DNAH7: variants seen among roughly 807,000 people sequenced by gnomAD.
The protein encoded by DNAH7 is axonemal beta dynein heavy chain 7.
DNAH7 carries 397 observed loss-of-function variants against 444.6 expected under a neutral mutation model. That is an observed-to-expected ratio of 0.89 (90% CI 0.82 to 0.97). The LOEUF is 0.97. Ranked by LOEUF, DNAH7 falls within the 50% of genes least tolerant of loss-of-function variation. The pLI is 0.00. For synonymous variants in DNAH7, 1,636 were observed against 1,624.4 expected (o/e 1.01, Z -0.17); for missense variants, 4,902 against 4,800.8 (o/e 1.02, Z -0.62).
chr2:195,806,196 A>G (rs1370522149), intron 54 of DNAH7, among the ~76,000 whole-genome samples: 2 of 152,192 alleles, frequency 1.3e-5, no homozygotes, highest in Admixed American at 1.3e-4. Context: ...TGAGGATGTT[A>G]ATGAATACTG....
intron 61 of DNAH7, among the ~76,000 whole-genome samples, chr2:195,761,686 A>C (rs1482529247): frequency 1.3e-5 from 2 of 152,158 alleles, no homozygotes; most frequent in African/African-American, 2.4e-5. Context: ...TGGCATATTT[A>C]AAGTGCTGAA....
At chr2:195,869,118 T>G (rs1700523574) in intron 40 of DNAH7, among the ~76,000 whole-genome samples, 1 of 151,612 alleles carries the variant, frequency 6.6e-6, no homozygotes, top group South Asian at 2.1e-4. Context: ...TGAGTGAAAG[T>G]GAAGAAAAGG....
rs751299449 is a variant in DNAH7 at position 195,796,595 on chromosome 2, G to T, written c.10496C>A (p.Thr3499Asn). 8 of 1,613,982 alleles carry T rather than the reference G, an allele frequency of 5.0e-6. No individual in the cohort carries two copies. In the African/African-American group the frequency reaches 9.3e-5, roughly 19 times the overall value. ...TTTTACCTCACAGACTTTCTCAAGG[G>T]TTGGCATCCAAGAGGTGGCAAGGTG... ...NCHLATSWMP[T>N]LEKVCEELSP... The change falls in exon 56 of 65, where the codon ACC (threonine) becomes AAC (asparagine). Residue 3499 changes from threonine to asparagine, a missense_variant. Transcript: ENST00000312428.
At chr2:195,746,951 G>A (rs1693452722) in intron 63 of DNAH7, among the ~76,000 whole-genome samples, 1 of 151,618 alleles carries the variant, frequency 6.6e-6, no homozygotes, top group African/African-American at 2.4e-5. Context: ...AAAAGCAAGA[G>A]CAAACACATT....
At chr2:196,062,723 C>A (rs1213809133) in intron 1 of DNAH7, among the ~76,000 whole-genome samples, 2 of 152,164 alleles carry the variant, frequency 1.3e-5, no homozygotes, top group Non-Finnish European at 2.9e-5. Context: ...TTATTGAAGA[C>A]AGTGCTTTTC....
intron 12 of DNAH7, 146 bp from the exon 13 acceptor site, chr2:195,988,375 G>C (rs1574958302): frequency 1.4e-6 from 1 of 697,468 alleles, no homozygotes; most frequent in East Asian, 3.2e-5. Context: ...TCTATAGAAA[G>C]ATATTAGACT....
rs137932425 is a variant in DNAH7, at chr2:195,856,704, A to G, written c.8414+673T>C. On this transcript the variant is annotated intron_variant, in intron 44 of 64. Transcript: ENST00000312428. Reference sequence around the variant, plus strand: ...AAAAAAGGCTCCTTATTTCACAAGAATACATTATGCCAGTGGTTTTTAAAG... The same window carrying G: ...AAAAAAGGCTCCTTATTTCACAAGAGTACATTATGCCAGTGGTTTTTAAAG... Among the ~76,000 whole-genome samples, 9 of 152,346 alleles carry G rather than the reference A, an allele frequency of 5.9e-5. No homozygotes were observed. The East Asian group carries it at 1.7e-3, about 29-fold the overall frequency.
intron 21 of DNAH7, among the ~76,000 whole-genome samples, chr2:195,928,504 C>A (rs1688485315): frequency 6.6e-6 from 1 of 152,006 alleles, no homozygotes; most frequent in Non-Finnish European, 1.5e-5. Context: ...CCAATGGTTA[C>A]AAAAACAGTA....
At chr2:195,811,629 G>C (rs1250404114) in intron 51 of DNAH7, among the ~76,000 whole-genome samples, 1 of 152,104 alleles carries the variant, frequency 6.6e-6, no homozygotes, top group East Asian at 1.9e-4. Context: ...GGGATTACAG[G>C]TGTAAGCCAC....
At chr2:195,984,826 C>A in intron 14 of DNAH7, 116 bp from the exon 15 acceptor site, 1 of 928,068 alleles carries the variant, frequency 1.1e-6, no homozygotes, top group South Asian at 1.7e-5. Context: ...TATAACTTAG[C>A]TATATGACAT....
intron 19 of DNAH7, among the ~76,000 whole-genome samples, chr2:195,938,696 A>G (rs1559247628): frequency 6.6e-6 from 1 of 152,170 alleles, no homozygotes; most frequent in Non-Finnish European, 1.5e-5. Flanking sequence ...ACAACAAACC[A>G]TGGAAAGAGC....
intron 7 of DNAH7, among the ~76,000 whole-genome samples, chr2:196,024,827 G>C (rs1695583021): frequency 6.6e-6 from 1 of 151,230 alleles, no homozygotes; most frequent in Non-Finnish European, 1.5e-5. Flanking sequence ...TGAATTGAAG[G>C]TCAACAATAC....
intron 1 of DNAH7, among the ~76,000 whole-genome samples, chr2:196,059,130 T>C (rs917162928): frequency 1.3e-5 from 2 of 152,306 alleles, no homozygotes; most frequent in African/African-American, 4.8e-5. Context: ...AAAACTTACT[T>C]GGCCCCACCT....
intron 40 of DNAH7, among the ~76,000 whole-genome samples, chr2:195,870,656 T>G (rs1227198746): frequency 6.6e-6 from 1 of 152,158 alleles, no homozygotes; most frequent in Non-Finnish European, 1.5e-5. Context: ...AGAACCCTCA[T>G]GAATGGAATT....
chr2:196,040,604 G>T (rs75263409), intron 5 of DNAH7, among the ~76,000 whole-genome samples: 1,695 of 152,144 alleles, frequency 0.011, 34 homozygotes, highest in East Asian at 0.07. Context: ...TGACAAATCT[G>T]CAGCTTTCAT....
chr2:196,047,647 T>C (rs1041040403), intron 4 of DNAH7, 148 bp from the exon 5 acceptor site: 87 of 534,048 alleles, frequency 1.6e-4, no homozygotes, highest in Non-Finnish European at 3.0e-5. Flanking sequence ...TTTTTTACTA[T>C]CAGGAGGTTA....
At chr2:195,976,747 C>CAGACAGAGAGAGAGAGAGAGAG (rs545824124) in intron 15 of DNAH7, among the ~76,000 whole-genome samples, 2 of 90,542 alleles carry the variant, frequency 2.2e-5, no homozygotes, top group African/African-American at 3.6e-5. Context: ...GAGAGGCAGA[C>CAGACAGAGAGAGAGAGAGAGAG]AGAGAGAGAG....
At chr2:195,843,337 A>G (rs1698799779) in intron 47 of DNAH7, among the ~76,000 whole-genome samples, 1 of 152,024 alleles carries the variant, frequency 6.6e-6, no homozygotes, top group African/African-American at 2.4e-5. Context: ...TAGATTATCT[A>G]TTTTCTCCTT....
chr2:195,753,870 G>T (rs1264464378), intron 63 of DNAH7, among the ~76,000 whole-genome samples: 1 of 152,114 alleles, frequency 6.6e-6, no homozygotes, highest in Non-Finnish European at 1.5e-5. Context: ...TGACAGGAAA[G>T]AATACATATC....
Sources: gnomAD v4.1 joint callset for allele counts (sites outside exome capture counted in the v4.1 genomes callset) on GRCh38, gnomAD v4.1.1 for gene constraint, MANE v1.5 for transcripts, NCBI Gene and HGNC (gene_info 2026-07-23, HGNC 2026-07-21) for gene names.